SPATA6: variants seen among roughly 807,000 people sequenced by gnomAD.
The protein encoded by SPATA6 is spermatogenesis-associated protein 6.
Under a neutral mutation model 65.3 loss-of-function variants are expected in SPATA6, and 56 were observed. The observed-to-expected ratio is 0.86, with a 90% CI of 0.69 to 1.07. SPATA6 has a LOEUF of 1.07. Ranked by LOEUF, SPATA6 falls within the 50% of genes least tolerant of loss-of-function variation. SPATA6 has a pLI of 0.00. For missense variants in SPATA6, 590 were observed against 594.8 expected (o/e 0.99, Z 0.08); for synonymous variants, 199 against 213.2 (o/e 0.93, Z 0.58).
chr1:48,447,470 C>G (rs1656166640), intron 3 of SPATA6, among the ~76,000 whole-genome samples: 1 of 152,156 alleles, frequency 6.6e-6, no homozygotes, highest in South Asian at 2.1e-4. Context: ...AGTGAGCCAA[C>G]ATCGCACCAC....
chr1:48,387,926 C>T (rs1649652273), intron 8 of SPATA6, among the ~76,000 whole-genome samples: 1 of 152,204 alleles, frequency 6.6e-6, no homozygotes, highest in Non-Finnish European at 1.5e-5. Context: ...ACGGTCATCA[C>T]CCATGCCACA....
In SPATA6 at chr1:48,459,204, C is replaced by CAAA. The variant is rs35079974; in HGVS notation, c.52-6076_52-6074dup. ...TAGGCAACACTGCGAGACTCCATAT[C>CAAA]AAAAAAAAAAAAAAAAAAAAAGAAC... On this transcript the variant is annotated intron_variant, in intron 1 of 12. Coordinates refer to ENST00000371847, the MANE Select transcript of SPATA6 (RefSeq NM_019073.4). Among the ~76,000 whole-genome samples the CAAA allele has an allele frequency of 4.9e-3, 326 of 66,232 alleles. 8 individuals are homozygous for CAAA. In the South Asian group the frequency reaches 0.051, roughly 10 times the overall value. 43.5% of individuals were successfully genotyped at this position (66,232 alleles called of 152,430 possible). A position where few individuals can be genotyped will look rare whatever the true frequency, so the allele number is the denominator to read the frequency against.
intron 1 of SPATA6, among the ~76,000 whole-genome samples, chr1:48,454,518 A>C (rs1656853551): frequency 6.6e-6 from 1 of 152,218 alleles, no homozygotes; most frequent in Non-Finnish European, 1.5e-5. Context: ...TTATGAACTT[A>C]CTATATGCAA....
chr1:48,318,143 T>C (rs1645494121), intron 11 of SPATA6, among the ~76,000 whole-genome samples: 1 of 152,158 alleles, frequency 6.6e-6, no homozygotes, highest in Non-Finnish European at 1.5e-5. Flanking sequence ...CTCAAGATGG[T>C]AAATGCCATC....
chr1:48,402,147 G>T (rs925669954), intron 6 of SPATA6, among the ~76,000 whole-genome samples: 6 of 151,742 alleles, frequency 4.0e-5, no homozygotes, highest in Non-Finnish European at 8.8e-5. Context: ...AAGTCAAAAA[G>T]TAAAAATAAA....
At chr1:48,281,433 C>T in the SPATA6 span, among the ~76,000 whole-genome samples, 35 of 152,134 alleles carry the variant, frequency 2.3e-4, no homozygotes, top group Admixed American at 9.8e-4. Flanking sequence ...ATCTAGAAAA[C>T]GCCATCGTCT....
At chr1:48,302,543 C>T (rs1644965322) in intron 12 of SPATA6, among the ~76,000 whole-genome samples, 1 of 152,198 alleles carries the variant, frequency 6.6e-6, no homozygotes, top group South Asian at 2.1e-4. Context: ...AATGACTAGT[C>T]AGAGCCAGTA....
intron 8 of SPATA6, among the ~76,000 whole-genome samples, chr1:48,392,909 G>A (rs1456765981): frequency 1.3e-5 from 2 of 151,232 alleles, no homozygotes; most frequent in African/African-American, 4.9e-5. Context: ...GTCAGCCAGG[G>A]GAAAAAATAT....
chr1:48,293,096 G>C (rs1010332748), downstream of SPATA6, among the ~76,000 whole-genome samples: 6 of 152,202 alleles, frequency 3.9e-5, no homozygotes, highest in Non-Finnish European at 5.9e-5. Flanking sequence ...CCTGCCACGT[G>C]GCTGACACAA....
At position 48,384,072 on chromosome 1, in the gene SPATA6, A is replaced by G. The variant is rs367636099; in HGVS notation, c.909+1237T>C. ...TTGAGCACTGAGTGAACGAGACTCCATCTGCAATCCCGGCACCTCGGGAGG... is the reference window on the plus strand; with the variant it reads ...TTGAGCACTGAGTGAACGAGACTCCGTCTGCAATCCCGGCACCTCGGGAGG... On this transcript the variant is annotated intron_variant, in intron 9 of 12. Transcript: ENST00000371847. 4.1e-3 allele frequency among the ~76,000 whole-genome samples: 619 copies of G among 150,822 alleles called. 8 individuals are homozygous for G. Among genetic ancestry groups the G allele is most frequent in the East Asian group, 0.039 (196 of 5,006 alleles).
intron 11 of SPATA6, among the ~76,000 whole-genome samples, chr1:48,337,655 T>C (rs1646096732): frequency 6.6e-6 from 1 of 151,954 alleles, no homozygotes; most frequent in East Asian, 1.9e-4. Flanking sequence ...TGAATGTAGG[T>C]AGGTCAGTGG....
chr1:48,284,919 TGAG>T, the SPATA6 span, among the ~76,000 whole-genome samples: 6 of 152,276 alleles, frequency 3.9e-5, no homozygotes, highest in African/African-American at 9.6e-5. Flanking sequence ...AGGACCCACT[TGAG>T]GAGGTAGTCT....
chr1:48,378,352 A>C (rs575597987), intron 9 of SPATA6, among the ~76,000 whole-genome samples: 4 of 152,222 alleles, frequency 2.6e-5, no homozygotes, highest in Non-Finnish European at 5.9e-5. Flanking sequence ...CTTGAAAGGC[A>C]GATCACATGG....
At chr1:48,384,377 G>T (rs1649208673) in intron 9 of SPATA6, among the ~76,000 whole-genome samples, 1 of 43,862 alleles carries the variant, frequency 2.3e-5, no homozygotes, top group Non-Finnish European at 4.5e-5. Flanking sequence ...AGAGGGAGAG[G>T]GAGAGGGAGA....
chr1:48,418,330 C>T (rs1652974301), intron 3 of SPATA6, among the ~76,000 whole-genome samples: 1 of 151,766 alleles, frequency 6.6e-6, no homozygotes, highest in South Asian at 2.1e-4. Context: ...ACTTGACTGA[C>T]CTTACAATAA....
At chr1:48,311,756 G>A (rs1645216693) in intron 11 of SPATA6, among the ~76,000 whole-genome samples, 1 of 152,154 alleles carries the variant, frequency 6.6e-6, no homozygotes, top group African/African-American at 2.4e-5. Flanking sequence ...AGCGTGAGCC[G>A]AAGCAGGGCA....
At position 48,360,308 on chromosome 1, in the gene SPATA6, G is replaced by T. The variant is rs559944521; in HGVS notation, c.910-538C>A. Among the ~76,000 whole-genome samples, 12 of 152,190 alleles carry T rather than the reference G, an allele frequency of 7.9e-5. No individual in the cohort carries two copies. The South Asian group carries it at 2.5e-3, about 32-fold the overall frequency. On this transcript the variant is annotated intron_variant, in intron 9 of 12. Transcript: ENST00000371847. ...AAACACAAAAACACACCAAGATAAA[G>T]AACTAGAATAGAGTGTGTTACAGGA...
chr1:48,427,343 A>G (rs999550642), intron 3 of SPATA6, among the ~76,000 whole-genome samples: 1 of 152,036 alleles, frequency 6.6e-6, no homozygotes, highest in African/African-American at 2.4e-5. Flanking sequence ...AAAAGAAACC[A>G]AAGAATTTTA....
the SPATA6 span, among the ~76,000 whole-genome samples, chr1:48,278,878 G>T: frequency 6.6e-6 from 1 of 152,110 alleles, no homozygotes; most frequent in Non-Finnish European, 1.5e-5. Flanking sequence ...ACACATAATT[G>T]TCAGATTCAC....
Sources: gnomAD v4.1 joint callset for allele counts (sites outside exome capture counted in the v4.1 genomes callset) on GRCh38, gnomAD v4.1.1 for gene constraint, MANE v1.5 for transcripts, NCBI Gene and HGNC (gene_info 2026-07-23, HGNC 2026-07-21) for gene names.